Variants in KRIT1 observed in about 807,000 individuals in gnomAD.
KRIT1 encodes krev interaction trapped protein 1.
Under a neutral mutation model 95.8 loss-of-function variants are expected in KRIT1, and 45 were observed. The observed-to-expected ratio is 0.47, with a 90% confidence interval of 0.37 to 0.60. The LOEUF (loss-of-function observed/expected upper bound fraction) is 0.60. KRIT1 is among the 20% of genes least tolerant of loss of function. KRIT1 has a pLI of 0.00. For synonymous variants in KRIT1, 282 were observed against 278.8 expected (o/e 1.01, Z -0.11); for missense variants, 788 against 877.5 (o/e 0.90, Z 1.29).
At chr7:92,219,856 A>C (rs1420261422) in intron 14 of KRIT1, among the ~76,000 whole-genome samples, 1 of 152,108 alleles carries the variant, frequency 6.6e-6, no homozygotes, top group Non-Finnish European at 1.5e-5. Flanking sequence ...TCTTCTGTTA[A>C]ATTTATTCCT....
rs1329278178 is a variant in KRIT1, at chr7:92,214,714, A to T, written c.1627T>A (p.Phe543Ile). 1 of 1,608,238 alleles carries T rather than the reference A, an allele frequency of 6.2e-7. No homozygotes were observed. Among genetic ancestry groups the T allele is most frequent in the Admixed American group, 1.7e-5 (1 of 59,992 alleles). The change falls in exon 15 of 19, where the codon TTT becomes ATT. Residue 543 changes from phenylalanine (F) to isoleucine (I), a missense_variant. Transcript: ENST00000394505. ...AGCTTAGCATCAGGAGCTGTATAAAAGCCCTTCAATAAATTATATCTGGCT... is the reference window on the plus strand; with the variant it reads ...AGCTTAGCATCAGGAGCTGTATAAATGCCCTTCAATAAATTATATCTGGCT... ...DEARYNLLKG[F>I]YTAPDAKLIT...
In KRIT1 at chr7:92,235,518, G is replaced by A. The variant is rs760742758; in HGVS notation, c.614C>T (p.Ser205Leu). Residue 205 changes from serine (S) to leucine (L), a missense_variant, in exon 8 of 19, where the codon TCA (serine) becomes TTA (leucine). Transcript: ENST00000394505. ...YATESGQTEN[S>L]LHMGYSALEI... ...TAGTGCACTATAGCCCATATGTAGTGAGTTTTCTGTCTGACCTGATTCAGT... is the reference window on the plus strand; with the variant it reads ...TAGTGCACTATAGCCCATATGTAGTAAGTTTTCTGTCTGACCTGATTCAGT... 14 of 1,613,798 alleles carry A rather than the reference G, an allele frequency of 8.7e-6. No homozygotes were observed. Among genetic ancestry groups the A allele is most frequent in the Middle Eastern group, 1.6e-4 (1 of 6,082 alleles).
Position 92,200,754 on chromosome 7 carries a change from G to T in KRIT1, c.2193C>A (p.Pro731=). ...LLMKLNGQLM[P]TERNS Reference sequence around the variant, plus strand: ...TTCTCTTTCATGAATTTCTTTCAGTGGGCATTAACTGTCCATTTAGCTTCA... The same window carrying T: ...TTCTCTTTCATGAATTTCTTTCAGTTGGCATTAACTGTCCATTTAGCTTCA... The change falls in exon 19 of 19, where the codon CCC becomes CCA. Residue 731 remains proline (P), a synonymous_variant. Transcript: ENST00000394505. The T allele has an allele frequency of 6.2e-7, 1 of 1,604,866 alleles. No homozygotes were observed. Among genetic ancestry groups the T allele is most frequent in the Non-Finnish European group, 8.5e-7 (1 of 1,171,646 alleles).
intron 14 of KRIT1, among the ~76,000 whole-genome samples, chr7:92,218,987 T>C (rs1794567211): frequency 6.6e-6 from 1 of 152,150 alleles, no homozygotes; most frequent in Non-Finnish European, 1.5e-5. Flanking sequence ...TTTAGGTCAC[T>C]GATGCATTTT....
In KRIT1 at chr7:92,199,851, T is replaced by A. The variant is rs567470870; in HGVS notation, c.*885A>T. 1.2e-4 allele frequency: 19 copies of A among 152,218 alleles called. No homozygotes were observed. The highest frequency in any genetic ancestry group is 2.5e-4 in the Non-Finnish European group (17 of 68,034). The allele number at this position is 152,218 out of a possible 1,614,324, so 9.4% of individuals were successfully genotyped here. ...TTAGAATGGGTCTCTGAAATCTTCA[T>A]TTTTAAGAGGCATCTAGGTAATTAT... On this transcript the variant is annotated 3_prime_UTR_variant, in exon 19 of 19. Transcript: ENST00000394505.
At chr7:92,242,634 C>G (rs965728178) in intron 3 of KRIT1, among the ~76,000 whole-genome samples, 2 of 152,134 alleles carry the variant, frequency 1.3e-5, no homozygotes, top group African/African-American at 4.8e-5. Flanking sequence ...ACATTTACTC[C>G]AGAACTTTCA....
chr7:92,217,128 A>G (rs985270763), intron 14 of KRIT1, among the ~76,000 whole-genome samples: 3 of 152,168 alleles, frequency 2.0e-5, no homozygotes, highest in Non-Finnish European at 2.9e-5. Context: ...TATGCAATTT[A>G]TTTATCACCC....
At position 92,200,357 on chromosome 7, in the gene KRIT1, ATTTT is replaced by A; in HGVS notation, c.*375_*378del. On this transcript the variant is annotated 3_prime_UTR_variant, in exon 19 of 19. Coordinates refer to ENST00000394505, the MANE Select transcript of KRIT1 (RefSeq NM_194454.3). Reference sequence around the variant, plus strand: ...GAGACTATATGCCTTGTTGAAAGTAATTTTTTTTTTTTTTTGAGATGGAGTCTTG... The same window carrying A: ...GAGACTATATGCCTTGTTGAAAGTAATTTTTTTTTTTGAGATGGAGTCTTG... 9.1e-6 allele frequency: 2 copies of A among 219,854 alleles called. No individual in the cohort carries two copies. The highest frequency in any genetic ancestry group is 1.8e-5 in the Non-Finnish European group (2 of 110,762). 13.6% of individuals were successfully genotyped at this position (219,854 alleles called of 1,614,324 possible).
At chr7:92,205,532 A>G (rs1791265113) in intron 17 of KRIT1, among the ~76,000 whole-genome samples, 1 of 152,172 alleles carries the variant, frequency 6.6e-6, no homozygotes, top group Non-Finnish European at 1.5e-5. Flanking sequence ...TGAGGTCAGA[A>G]GTTCGAGACC....
chr7:92,234,776 A>T (rs776224445), intron 9 of KRIT1, 32 bp downstream of exon 9: 1 of 1,287,756 alleles, frequency 7.8e-7, no homozygotes, highest in South Asian at 1.2e-5. Context: ...AAGTTTTTAT[A>T]AAAGCAATGT....
intron 18 of KRIT1, 115 bp from the exon 19 acceptor site, chr7:92,200,919 C>T: frequency 1.3e-6 from 1 of 758,140 alleles, no homozygotes; most frequent in Non-Finnish European, 2.3e-6. Context: ...TATCAGGAGA[C>T]AGCTTGTTAA....
chr7:92,207,772 G>A (rs374247562), intron 17 of KRIT1, among the ~76,000 whole-genome samples: 6 of 152,094 alleles, frequency 3.9e-5, no homozygotes, highest in African/African-American at 1.2e-4. Context: ...CAGGATAATC[G>A]CTTGAACCCA....
At position 92,234,550 on chromosome 7, in the gene KRIT1, G is replaced by A. The variant is rs981643390; in HGVS notation, c.888C>T (p.Ala296=). Residue 296 remains alanine, a synonymous_variant, in exon 10 of 19, where the codon GCC becomes GCT. Transcript: ENST00000394505. ...WVDDFPLHRS[A]CEGDSELLSR... ...TTAGTAATTCTGAATCTCCTTCACA[G>A]GCGCTTCGGTGGAGAGGAAAATCAT... 1 of 1,613,372 alleles carries A rather than the reference G, an allele frequency of 6.2e-7. No homozygotes were observed. Among genetic ancestry groups the A allele is most frequent in the Non-Finnish European group, 8.5e-7 (1 of 1,179,340 alleles).
In KRIT1 at chr7:92,226,596, AGAG is replaced by A. The variant is rs1356206191; in HGVS notation, c.1073_1075del (p.Pro358del). The A allele has an allele frequency of 3.1e-6, 5 of 1,612,338 alleles. No homozygotes were observed. The highest frequency in any genetic ancestry group is 1.7e-5 in the Admixed American group (1 of 59,996). ...ATGTCCTCCTCCAGCAGCAAAATGAAGAGGAGAACTAAGTTGTCCATTTAAAAG... is the reference window on the plus strand; with the variant it reads ...ATGTCCTCCTCCAGCAGCAAAATGAAGAGAACTAAGTTGTCCATTTAAAAG... On this transcript the variant is annotated inframe_deletion, in exon 11 of 19. Coordinates refer to ENST00000394505, the MANE Select transcript of KRIT1 (RefSeq NM_194454.3).
intron 12 of KRIT1, among the ~76,000 whole-genome samples, chr7:92,225,347 G>A (rs1404703220): frequency 6.6e-6 from 1 of 152,010 alleles, no homozygotes; most frequent in Non-Finnish European, 1.5e-5. Context: ...TTGCTCCGTC[G>A]CCAAGGCTGG....
chr7:92,221,305 G>A (rs1473765775), intron 14 of KRIT1, among the ~76,000 whole-genome samples: 1 of 152,038 alleles, frequency 6.6e-6, no homozygotes, highest in Non-Finnish European at 1.5e-5. Context: ...TAAGTGTGGT[G>A]GCACACGCCT....
intron 7 of KRIT1, 92 bp from the exon 8 acceptor site, chr7:92,235,738 G>A: frequency 1.8e-6 from 2 of 1,132,108 alleles, no homozygotes; most frequent in South Asian, 2.6e-5. Context: ...TGACACTTGT[G>A]AATATTACCT....
Position 92,201,324 on chromosome 7 carries a change from TA to T in KRIT1, c.2124del (p.Phe708LeufsTer2). On this transcript the variant is annotated frameshift_variant, in exon 18 of 19. Transcript: ENST00000394505. LOFTEE classifies it high-confidence loss of function. ...QIHSMENKMS[F>X]IVHTKQAGLV... Reference sequence around the variant, plus strand: ...ATACTTACCTGTTTTGTATGTACTATAAAGCTCATTTTATTTTCCATGCTAT... The same window carrying T: ...ATACTTACCTGTTTTGTATGTACTATAAGCTCATTTTATTTTCCATGCTAT... 1 of 1,503,100 alleles carries T rather than the reference TA, an allele frequency of 6.7e-7. No individual in the cohort carries two copies. Among genetic ancestry groups the T allele is most frequent in the Non-Finnish European group, 9.3e-7 (1 of 1,079,170 alleles). 93.1% of individuals were successfully genotyped at this position (1,503,100 alleles called of 1,614,324 possible). A position where few individuals can be genotyped will look rare whatever the true frequency, so the allele number is the denominator to read the frequency against.
intron 17 of KRIT1, among the ~76,000 whole-genome samples, chr7:92,207,250 A>C (rs866000872): frequency 1.3e-5 from 2 of 152,152 alleles, no homozygotes; most frequent in Non-Finnish European, 2.9e-5. Context: ...GATTCTAAAA[A>C]CCATAAGATA....
Sources: allele counts gnomAD v4.1 joint callset (sites outside exome capture counted in the v4.1 genomes callset), GRCh38; gene constraint gnomAD v4.1.1; transcripts MANE v1.5; gene names NCBI Gene and HGNC (gene_info 2026-07-23, HGNC 2026-07-21).